Variants in EIF2AK4 observed in about 807,000 individuals in gnomAD.
EIF2AK4 encodes eIF-2-alpha kinase GCN2.
A neutral mutation model predicts 211.1 loss-of-function variants in EIF2AK4; 139 were observed. The ratio of observed to expected loss-of-function variants is 0.66; its 90% CI spans 0.57 to 0.76. EIF2AK4 has a LOEUF of 0.76. EIF2AK4 is among the 30% of genes least tolerant of loss of function. The probability of loss-of-function intolerance (pLI) is 0.00; values close to 1 mark genes in which losing one functional copy is unlikely to be tolerated. For missense variants in EIF2AK4, 1,664 were observed against 2,043.8 expected (o/e 0.81, Z 3.58); for synonymous variants, 710 against 751.3 (o/e 0.94, Z 0.90).
chr15:39,988,120 A>T lies in EIF2AK4; in HGVS notation c.2526+15A>T. The stretch of plus-strand genomic sequence containing the variant: ...TCCATGAGAAAGTAAACTTTACAAC[A>T]TTTCATATCTGAAGACTTATGTTTA... On this transcript the variant is annotated intron_variant, in intron 15 of 38. Transcript: ENST00000263791. 6.2e-7 allele frequency: 1 copy of T among 1,613,016 alleles called. No homozygotes were observed. Among genetic ancestry groups the T allele is most frequent in the African/African-American group, 1.3e-5 (1 of 75,046 alleles).
chr15:39,981,333 G>T (rs1168346504), intron 13 of EIF2AK4, among the ~76,000 whole-genome samples: 1 of 151,856 alleles, frequency 6.6e-6, no homozygotes, highest in Non-Finnish European at 1.5e-5. Flanking sequence ...TCACGTCATT[G>T]CACTCCAGCC....
intron 30 of EIF2AK4, among the ~76,000 whole-genome samples, chr15:40,019,975 A>G (rs974652670): frequency 2.6e-5 from 4 of 152,042 alleles, no homozygotes; most frequent in Non-Finnish European, 4.4e-5. Context: ...CCTGGGCAAC[A>G]TAGCAAAACC....
At chr15:40,013,404 A>G (rs545072067) in intron 27 of EIF2AK4, among the ~76,000 whole-genome samples, 1 of 152,324 alleles carries the variant, frequency 6.6e-6, no homozygotes, top group Non-Finnish European at 1.5e-5. Context: ...ACTGCTAATA[A>G]AGATATATCC....
chr15:39,974,238 T>A (rs2140917152), intron 11 of EIF2AK4: 1 of 152,458 alleles, frequency 6.6e-6, no homozygotes, highest in South Asian at 2.1e-4. Flanking sequence ...TAAGGTACAC[T>A]GTTGTTGGGT....
intron 18 of EIF2AK4, among the ~76,000 whole-genome samples, chr15:39,993,203 TCCATCCATCCATCCATCCAG>T (rs1414361514): frequency 6.6e-6 from 1 of 151,540 alleles, no homozygotes; most frequent in Non-Finnish European, 1.5e-5. Flanking sequence ...CGTCCGTCCG[TCCATCCATCCATCCATCCAG>T]CCATCCATCC....
intron 36 of EIF2AK4, 77 bp from the exon 37 acceptor site, chr15:40,032,680 T>A: frequency 1.5e-6 from 2 of 1,362,250 alleles, no homozygotes; most frequent in African/African-American, 2.9e-5. Context: ...TTCATACTGC[T>A]GCATTTCACG....
In EIF2AK4 at chr15:39,953,984, G is replaced by C; in HGVS notation, c.594G>C (p.Gln198His). ...AAAAAAGGAAAGAAATGGCTAAGCA[G>C]GTACCCTATCAACTCCACCATAATA... ...EEKKRKEMAKQERLEIASLSN... is the reference protein window; with the variant it reads ...EEKKRKEMAKHERLEIASLSN... The change falls in exon 5 of 39, where the codon CAG becomes CAC. Residue 198 changes from glutamine to histidine, a missense_variant and splice_region_variant. By Grantham distance (24) the Gln-to-His change is conservative. Around this residue, in one of 7 missense-constraint regions of EIF2AK4, gnomAD observed 641 missense variants for 729.6 expected, o/e 0.88. Transcript: ENST00000263791. The C allele has an allele frequency of 6.3e-7, 1 of 1,580,862 alleles. No individual in the cohort carries two copies.
Position 40,016,612 on chromosome 15 carries a change from T to C in EIF2AK4, c.3870T>C (p.Tyr1290=). The C allele has an allele frequency of 6.2e-7, 1 of 1,614,236 alleles. No individual in the cohort carries two copies. Among genetic ancestry groups the C allele is most frequent in the Non-Finnish European group, 8.5e-7 (1 of 1,180,030 alleles). ...CAGGTATTGCACAGTTGGTGAAGTA[T>C]GGCTTAAAAGACCTAGAGGAGGTTG... ...QKTGIAQLVK[Y]GLKDLEEVVG... Residue 1290 remains tyrosine, a synonymous_variant, in exon 28 of 39, where the codon TAT becomes TAC. Coordinates refer to ENST00000263791, the MANE Select transcript of EIF2AK4 (RefSeq NM_001013703.4).
Position 39,978,161 on chromosome 15 carries a change from T to G in EIF2AK4, c.2319+14T>G. 1.6e-4 allele frequency: 201 copies of G among 1,256,084 alleles called. No homozygotes were observed. Among genetic ancestry groups the G allele is most frequent in the Non-Finnish European group, 2.1e-4 (187 of 880,970 alleles). The allele number at this position is 1,256,084 out of a possible 1,614,324, so 77.8% of individuals were successfully genotyped here. On this transcript the variant is annotated intron_variant, in intron 13 of 38. Transcript: ENST00000263791. The stretch of plus-strand genomic sequence containing the variant: ...AGTCAGAATCAGGTATATATATGAA[T>G]AGAAATTATATCATTTTATTCGTGA...
intron 15 of EIF2AK4, among the ~76,000 whole-genome samples, chr15:39,989,847 G>A (rs2034918051): frequency 6.6e-6 from 1 of 152,304 alleles, no homozygotes; most frequent in Admixed American, 6.5e-5. Flanking sequence ...TGAATGAGTT[G>A]GCAATTGCAA....
At position 39,988,163 on chromosome 15, in the gene EIF2AK4, A is replaced by C. The variant is rs201409183; in HGVS notation, c.2526+58A>C. The C allele has an allele frequency of 9.0e-5, 143 of 1,582,464 alleles. 1 individual carries two copies. In the Middle Eastern group the frequency reaches 1.2e-3, roughly 13 times the overall value. On this transcript the variant is annotated intron_variant, in intron 15 of 38. Coordinates refer to ENST00000263791, the MANE Select transcript of EIF2AK4 (RefSeq NM_001013703.4). ...TATGTTTACATAAATTTATGACTGC[A>C]TAAAAATATCAAATGTAAGATTGGA...
At chr15:40,007,102 G>T in intron 24 of EIF2AK4, 37 bp downstream of exon 24, 1 of 1,494,418 alleles carries the variant, frequency 6.7e-7, no homozygotes. Context: ...GGTAGACATA[G>T]GAAAATAGTT....
At chr15:39,992,031 G>GA in intron 16 of EIF2AK4, 144 bp from the exon 17 acceptor site, 17 of 763,748 alleles carry the variant, frequency 2.2e-5, no homozygotes, top group African/African-American at 3.5e-5. Flanking sequence ...AACTAAACTA[G>GA]AAAAAAAATT....
chr15:40,017,046 A>G (rs2035311176), intron 28 of EIF2AK4, 62 bp from the exon 29 acceptor site: 5 of 1,582,610 alleles, frequency 3.2e-6, no homozygotes, highest in Non-Finnish European at 3.5e-6. Flanking sequence ...CATTTTCAGC[A>G]TTATATTCCA....
chr15:40,013,514 T>G (rs1595429702), intron 27 of EIF2AK4, among the ~76,000 whole-genome samples: 1 of 151,820 alleles, frequency 6.6e-6, no homozygotes, highest in Non-Finnish European at 1.5e-5. Flanking sequence ...GAGGAGCAAG[T>G]CACGTCTTAT....
At chr15:39,962,874 G>A (rs2034492332) in intron 7 of EIF2AK4, among the ~76,000 whole-genome samples, 1 of 152,168 alleles carries the variant, frequency 6.6e-6, no homozygotes, top group Non-Finnish European at 1.5e-5. Context: ...GATAAAACCA[G>A]TAATTGGTAT....
intron 8 of EIF2AK4, 82 bp downstream of exon 8, chr15:39,965,925 G>C: frequency 6.5e-7 from 1 of 1,549,016 alleles, no homozygotes; most frequent in Non-Finnish European, 8.7e-7. Flanking sequence ...CCCTGCATTT[G>C]TTTGCCCTGC....
chr15:39,973,486 A>T, intron 10 of EIF2AK4, 106 bp from the exon 11 acceptor site: 1 of 1,229,122 alleles, frequency 8.1e-7, no homozygotes, highest in South Asian at 1.5e-5. Flanking sequence ...AATTTTTCAA[A>T]CTACTGGTTG....
At chr15:40,000,729 T>G (rs1035930663) in intron 20 of EIF2AK4, among the ~76,000 whole-genome samples, 2 of 152,236 alleles carry the variant, frequency 1.3e-5, no homozygotes, top group African/African-American at 4.8e-5. Context: ...GTTGTTGATT[T>G]GATTTTTTTT....
Sources: gnomAD v4.1 joint callset for allele counts (sites outside exome capture counted in the v4.1 genomes callset) on GRCh38, gnomAD v4.1.1 for gene constraint, gnomAD v4.1.1 regional missense constraint, MANE v1.5 for transcripts, NCBI Gene and HGNC (gene_info 2026-07-23, HGNC 2026-07-21) for gene names.